Variants in SLC6A3 observed in about 807,000 individuals in gnomAD.
SLC6A3 encodes the protein sodium-dependent dopamine transporter.
Under a neutral mutation model 70.4 loss-of-function variants are expected in SLC6A3, and 19 were observed. That is an observed-to-expected ratio of 0.27 (90% CI 0.19 to 0.40). SLC6A3 has a LOEUF of 0.40. Ranked by LOEUF, SLC6A3 falls within the 10% of genes least tolerant of loss-of-function variation. SLC6A3 has a pLI of 1.00. For synonymous variants in SLC6A3, 368 were observed against 356.6 expected (o/e 1.03, Z -0.36); for missense variants, 613 against 838.5 (o/e 0.73, Z 3.32).
At chr5:1,414,552 C>T in intron 8 of SLC6A3, 139 bp downstream of exon 8, 1 of 846,346 alleles carries the variant, frequency 1.2e-6, no homozygotes, top group South Asian at 1.5e-5. Flanking sequence ...CACCATCCTT[C>T]AAGAGTGAGG....
Position 1,432,484 on chromosome 5 carries a change from T to C in SLC6A3, c.633A>G (p.Thr211=). 6 of 1,613,990 alleles carry C rather than the reference T, an allele frequency of 3.7e-6. No homozygotes were observed. The highest frequency in any genetic ancestry group is 5.1e-6 in the Non-Finnish European group (6 of 1,179,854). The change falls in exon 4 of 15, where the codon ACA becomes ACG. Residue 211 remains threonine, a synonymous_variant. Transcript: ENST00000270349. ...SSGLNDTFGT[T]PAAEYFERGV... is the part of the protein sequence containing the mutation. ...CTTACTCAAAGTACTCGGCAGCAGG[T>C]GTGGTCCCAAAAGTGTCGTTGAGGC...
chr5:1,422,461 C>A (rs1308263714), intron 4 of SLC6A3, among the ~76,000 whole-genome samples: 13 of 129,338 alleles, frequency 1.0e-4, no homozygotes, highest in East Asian at 4.7e-4. Context: ...GTGCTGCCCA[C>A]GCTGCTGGGT....
chr5:1,434,535 T>G (rs1463540919), intron 3 of SLC6A3, among the ~76,000 whole-genome samples: 1 of 152,326 alleles, frequency 6.6e-6, no homozygotes, highest in East Asian at 1.9e-4. Flanking sequence ...GGCCTGGTGG[T>G]CAGATGACTT....
intron 3 of SLC6A3, among the ~76,000 whole-genome samples, chr5:1,439,250 T>A (rs545234379): frequency 6.8e-6 from 1 of 146,612 alleles, no homozygotes; most frequent in South Asian, 2.1e-4. Flanking sequence ...TACCTGCAGA[T>A]CCCGCCAAGG....
rs1164524323 is a variant in SLC6A3 at position 1,402,001 on chromosome 5, C to T, written c.1767+921G>A. On this transcript the variant is annotated intron_variant, in intron 13 of 14. Transcript: ENST00000270349. The surrounding 1 kb of genome is among the most constrained non-coding windows in gnomAD (Gnocchi z 8.5). ...TGCTTTGCCTGCACTGGGCCTTGGC[C>T]TGGCCAGGCTGCTGGAGAGACTGGC... Among the ~76,000 whole-genome samples the T allele has an allele frequency of 6.6e-6, 1 of 152,214 alleles. No individual in the cohort carries two copies. The highest frequency in any genetic ancestry group is 1.9e-4 in the East Asian group (1 of 5,170).
In SLC6A3 at chr5:1,437,067, C is replaced by T. The variant is rs2927681; in HGVS notation, c.418+4292G>A. On this transcript the variant is annotated intron_variant, in intron 3 of 14. Coordinates refer to ENST00000270349, the MANE Select transcript of SLC6A3 (RefSeq NM_001044.5). The surrounding 1 kb of genome is among the most constrained non-coding windows in gnomAD (Gnocchi z 4.8). ...GCAATCGAGACCATCCTGGCTAACACGATGAAACCCCGTCTCTACTAAAAA... is the reference window on the plus strand; with the variant it reads ...GCAATCGAGACCATCCTGGCTAACATGATGAAACCCCGTCTCTACTAAAAA... 0.027 allele frequency among the ~76,000 whole-genome samples: 4,054 copies of T among 152,062 alleles called. 176 individuals are homozygous for T. Among genetic ancestry groups the T allele is most frequent in the African/African-American group, 0.088 (3,656 of 41,478 alleles).
intron 3 of SLC6A3, among the ~76,000 whole-genome samples, chr5:1,439,838 C>G (rs1303321952): frequency 6.6e-6 from 1 of 152,240 alleles, no homozygotes; most frequent in Non-Finnish European, 1.5e-5. Flanking sequence ...GACCTGCGTG[C>G]AGGGATTGGG....
At position 1,396,854 on chromosome 5, in the gene SLC6A3, A is replaced by C. The variant is rs537198899; in HGVS notation, c.1840-2096T>G. 1.3e-5 allele frequency among the ~76,000 whole-genome samples: 2 copies of C among 152,296 alleles called. No individual in the cohort carries two copies. The highest frequency in any genetic ancestry group is 2.4e-5 in the African/African-American group (1 of 41,562). On this transcript the variant is annotated intron_variant, in intron 14 of 14. Coordinates refer to ENST00000270349, the MANE Select transcript of SLC6A3 (RefSeq NM_001044.5). The surrounding 1 kb of genome is among the most constrained non-coding windows in gnomAD (Gnocchi z 7.0). ...GAAGCCAAATAATACACTTTTTAGG[A>C]AGCTAGAAATATCTAGAGATGCAAC...
At chr5:1,418,524 T>C (rs553781816) in intron 6 of SLC6A3, among the ~76,000 whole-genome samples, 1 of 152,324 alleles carries the variant, frequency 6.6e-6, no homozygotes, top group South Asian at 2.1e-4. Context: ...TACATGTGTG[T>C]GTATGTATCT....
chr5:1,432,365 C>A (rs547869877), intron 4 of SLC6A3, 99 bp downstream of exon 4: 2 of 850,988 alleles, frequency 2.4e-6, no homozygotes, highest in East Asian at 5.2e-5. Flanking sequence ...CCTCCCCGCA[C>A]CCTGGGAGTC....
rs920593108 is a variant in SLC6A3, at chr5:1,442,439, C to T, written c.286+473G>A. 8.5e-5 allele frequency among the ~76,000 whole-genome samples: 13 copies of T among 152,182 alleles called. No individual in the cohort carries two copies. The highest frequency in any genetic ancestry group is 1.5e-5 in the Non-Finnish European group (1 of 68,034). On this transcript the variant is annotated intron_variant, in intron 2 of 14. Transcript: ENST00000270349. This position sits in a 1 kb window ranked among gnomAD's most constrained non-coding sequence, Gnocchi z 5.0. The stretch of plus-strand genomic sequence containing the variant: ...CCCGGTGGCCCTGCCTCGATCTTCG[C>T]TTTCTGGCTCTGTGGCTGGGTTCTG...
At chr5:1,420,458 C>A (rs1370166898) in intron 6 of SLC6A3, 111 bp downstream of exon 6, 1 of 1,300,520 alleles carries the variant, frequency 7.7e-7, no homozygotes, top group African/African-American at 1.4e-5. Flanking sequence ...GAGGAAAGAA[C>A]CCTGGTGTCT....
At position 1,402,555 on chromosome 5, in the gene SLC6A3, C is replaced by T. The variant is rs532118697; in HGVS notation, c.1767+367G>A. On this transcript the variant is annotated intron_variant, in intron 13 of 14. Transcript: ENST00000270349. The surrounding 1 kb of genome is among the most constrained non-coding windows in gnomAD (Gnocchi z 8.5). Reference sequence around the variant, plus strand: ...CTCAGTACACACAAACACTTGGACACGAATGTGAGCACAGACCCAGGCCCA... The same window carrying T: ...CTCAGTACACACAAACACTTGGACATGAATGTGAGCACAGACCCAGGCCCA... Among the ~76,000 whole-genome samples the T allele has an allele frequency of 2.6e-5, 4 of 152,202 alleles. 1 individual carries two copies. The highest frequency in any genetic ancestry group is 4.1e-4 in the South Asian group (2 of 4,826).
rs931442013 is a variant in SLC6A3 at position 1,421,798 on chromosome 5, C to T, written c.792+78G>A. 1.3e-6 allele frequency: 2 copies of T among 1,524,920 alleles called. No homozygotes were observed. The highest frequency in any genetic ancestry group is 1.1e-5 in the South Asian group (1 of 89,396). The allele number at this position is 1,524,920 out of a possible 1,614,324, so 94.5% of individuals were successfully genotyped here. On this transcript the variant is annotated intron_variant, in intron 5 of 14. Coordinates refer to ENST00000270349, the MANE Select transcript of SLC6A3 (RefSeq NM_001044.5). The surrounding 1 kb of genome is among the most constrained non-coding windows in gnomAD (Gnocchi z 7.2). ...AAACCCAACTGAGGCCACACGTGCA[C>T]CTCCTGTCCAGCCACGGCCACATGT...
rs1733694219 is a variant in SLC6A3, at chr5:1,442,303, C to T, written c.286+609G>A. On this transcript the variant is annotated intron_variant, in intron 2 of 14. Coordinates refer to ENST00000270349, the MANE Select transcript of SLC6A3 (RefSeq NM_001044.5). This position sits in a 1 kb window ranked among gnomAD's most constrained non-coding sequence, Gnocchi z 5.0. ...GTGAGGCTTCCCCCCAGATTCTTCC[C>T]CAGGCCTCCCTTCCCAGACCTAGCA... 1.3e-5 allele frequency among the ~76,000 whole-genome samples: 2 copies of T among 152,190 alleles called. No individual in the cohort carries two copies.
At position 1,396,486 on chromosome 5, in the gene SLC6A3, G is replaced by A. The variant is rs2111329651; in HGVS notation, c.1840-1728C>T. 6.6e-6 allele frequency among the ~76,000 whole-genome samples: 1 copy of A among 152,302 alleles called. No individual in the cohort carries two copies. The highest frequency in any genetic ancestry group is 2.1e-4 in the South Asian group (1 of 4,822). ...CAGCACAGGGAGGGTGCAGCCTGGTGGACTCCCTGAGCTGAGACGCTGGAA... is the reference window on the plus strand; with the variant it reads ...CAGCACAGGGAGGGTGCAGCCTGGTAGACTCCCTGAGCTGAGACGCTGGAA... On this transcript the variant is annotated intron_variant, in intron 14 of 14. Coordinates refer to ENST00000270349, the MANE Select transcript of SLC6A3 (RefSeq NM_001044.5). The surrounding 1 kb of genome is among the most constrained non-coding windows in gnomAD (Gnocchi z 7.0).
At chr5:1,439,900 G>A (rs1756932805) in intron 3 of SLC6A3, among the ~76,000 whole-genome samples, 2 of 152,222 alleles carry the variant, frequency 1.3e-5, no homozygotes, top group South Asian at 4.1e-4. Context: ...GGGGACACCA[G>A]GGGGAACGAC....
rs772242557 is a variant in SLC6A3 at position 1,406,815 on chromosome 5, C to T, written c.1499-527G>A. ...CCAACTCCTCCCGACCCCCAACCCC[C>T]GCCAGGCCCCAGCACCATCTGCTTT... is the stretch of plus-strand genomic sequence containing the variant. On this transcript the variant is annotated intron_variant, in intron 11 of 14. Coordinates refer to ENST00000270349, the MANE Select transcript of SLC6A3 (RefSeq NM_001044.5). The surrounding 1 kb of genome is among the most constrained non-coding windows in gnomAD (Gnocchi z 8.8). Among the ~76,000 whole-genome samples, 4 of 152,156 alleles carry T rather than the reference C, an allele frequency of 2.6e-5. No homozygotes were observed. The highest frequency in any genetic ancestry group is 4.8e-5 in the African/African-American group (2 of 41,424).
In SLC6A3 at chr5:1,443,048, C is replaced by T. The variant is rs6346; in HGVS notation, c.150G>A (p.Pro50=). The T allele has an allele frequency of 6.8e-5, 110 of 1,614,070 alleles. No homozygotes were observed. The highest frequency in any genetic ancestry group is 8.6e-5 in the Non-Finnish European group (101 of 1,180,046). ...VQLTSSTLTN[P]RQSPVEAQDR... ...CCTGGGCCTCCACGGGGCTCTGCCG[C>T]GGGTTGGTGAGGGTGGAGCTGGTGA... Residue 50 remains proline, a synonymous_variant, in exon 2 of 15, where the codon CCG becomes CCA. Coordinates refer to ENST00000270349, the MANE Select transcript of SLC6A3 (RefSeq NM_001044.5).
Sources: gnomAD v4.1 joint callset for allele counts (sites outside exome capture counted in the v4.1 genomes callset) on GRCh38, gnomAD v4.1.1 for gene constraint, Gnocchi (gnomAD v3.1) non-coding constraint, MANE v1.5 for transcripts, NCBI Gene and HGNC (gene_info 2026-07-23, HGNC 2026-07-21) for gene names.